Variants in PDE5A observed in about 807,000 individuals in gnomAD.
PDE5A encodes the protein phosphodiesterase 5A.
A neutral mutation model predicts 110.2 loss-of-function variants in PDE5A; 67 were observed. The ratio of observed to expected loss-of-function variants is 0.61; its 90% CI spans 0.50 to 0.75. The LOEUF (loss-of-function observed/expected upper bound fraction) is 0.75. Among genes scored for constraint, PDE5A ranks in the 30% least tolerant of loss-of-function variants. The pLI is 0.00. For missense variants in PDE5A, 862 were observed against 1,045.1 expected, an observed-to-expected ratio of 0.82 and a Z score of 2.42; for synonymous variants, 328 against 351.2, an observed-to-expected ratio of 0.93 and a Z score of 0.74.
chr4:119,587,983 C>G (rs1166582562), intron 3 of PDE5A, among the ~76,000 whole-genome samples: 1 of 152,162 alleles, frequency 6.6e-6, no homozygotes, highest in African/African-American at 2.4e-5. Context: ...TATGTGGTTC[C>G]TCTCTTGAGG....
rs1726177311 is a variant in PDE5A at position 119,522,830 on chromosome 4, G to T, written c.1780-1770C>A. 3.3e-5 allele frequency among the ~76,000 whole-genome samples: 5 copies of T among 152,084 alleles called. 1 individual carries two copies. In the South Asian group the frequency reaches 1.0e-3, roughly 32 times the overall value. On this transcript the variant is annotated intron_variant, in intron 12 of 20. Coordinates refer to ENST00000354960, the MANE Select transcript of PDE5A (RefSeq NM_001083.4). ...ATTAAAATTTGTAAGACAGTATTTTGTACAGGACTACTGAGTACTTATTTG... is the reference window on the plus strand; with the variant it reads ...ATTAAAATTTGTAAGACAGTATTTTTTACAGGACTACTGAGTACTTATTTG...
chr4:119,591,311 ACTCACATGAATGCATTTAAT>A, intron 3 of PDE5A, among the ~76,000 whole-genome samples: 1 of 152,090 alleles, frequency 6.6e-6, no homozygotes, highest in Non-Finnish European at 1.5e-5. Context: ...TAAACCCTTC[ACTCACATGAATGCATTTAAT>A]CTTCCCAATA....
intron 15 of PDE5A, among the ~76,000 whole-genome samples, chr4:119,510,623 T>A (rs1021567393): frequency 1.3e-5 from 2 of 152,076 alleles, no homozygotes; most frequent in African/African-American, 4.8e-5. Flanking sequence ...ACCAAGTAGT[T>A]AAATAGCTTT....
At chr4:119,543,862 T>G (rs1456937580) in intron 9 of PDE5A, 1 of 152,242 alleles carries the variant, frequency 6.6e-6, no homozygotes, top group African/African-American at 2.4e-5. Flanking sequence ...CAGGCATTTT[T>G]CTATTCCCTT....
chr4:119,524,598 A>G (rs2110472685), intron 12 of PDE5A, among the ~76,000 whole-genome samples: 1 of 152,256 alleles, frequency 6.6e-6, no homozygotes, highest in Middle Eastern at 3.4e-3. Flanking sequence ...ATTTCTGTGA[A>G]GCCTTTGAGA....
chr4:119,616,180 C>G (rs1015809580), intron 1 of PDE5A, among the ~76,000 whole-genome samples: 2 of 152,128 alleles, frequency 1.3e-5, no homozygotes, highest in African/African-American at 4.8e-5. Flanking sequence ...CCAAAATCAC[C>G]GTTGGAAGTT....
intron 1 of PDE5A, among the ~76,000 whole-genome samples, chr4:119,625,531 T>C (rs887249747): frequency 6.6e-6 from 1 of 152,126 alleles, no homozygotes; most frequent in Non-Finnish European, 1.5e-5. Flanking sequence ...ATGCAGAAAT[T>C]GTTTTTATCA....
At chr4:119,532,643 A>C (rs183335710) in intron 11 of PDE5A, among the ~76,000 whole-genome samples, 1 of 152,174 alleles carries the variant, frequency 6.6e-6, no homozygotes, top group Admixed American at 6.6e-5. Flanking sequence ...CTCCTTGAAG[A>C]CCATAAAGCA....
chr4:119,622,266 C>T (rs968283204), intron 1 of PDE5A, among the ~76,000 whole-genome samples: 3 of 151,924 alleles, frequency 2.0e-5, no homozygotes, highest in Non-Finnish European at 4.4e-5. Context: ...ATTATTTCAT[C>T]AGCTCAGAAT....
intron 1 of PDE5A, among the ~76,000 whole-genome samples, chr4:119,619,269 A>C (rs1262520531): frequency 6.6e-6 from 1 of 152,184 alleles, no homozygotes; most frequent in African/African-American, 2.4e-5. Flanking sequence ...CAAATTTGGA[A>C]AAATACTTAA....
chr4:119,544,511 T>C (rs2110488904), intron 9 of PDE5A, among the ~76,000 whole-genome samples: 1 of 152,314 alleles, frequency 6.6e-6, no homozygotes, highest in East Asian at 1.9e-4. Flanking sequence ...ATCCCCAAAA[T>C]ATAAATATGG....
chr4:119,624,204 TATC>T (rs1389068289), intron 1 of PDE5A, among the ~76,000 whole-genome samples: 1 of 152,182 alleles, frequency 6.6e-6, no homozygotes, highest in Admixed American at 6.5e-5. Context: ...AGGGTTTTAT[TATC>T]ATCAACACTA....
In PDE5A at chr4:119,518,996, C is replaced by G. The variant is rs1332458390; in HGVS notation, c.2000+49G>C. ...GTGGCTTTAACTTAAAAAAAGACAG[C>G]CCTACAATTAAAAGAAAACATTTTC... On this transcript the variant is annotated intron_variant, in intron 14 of 20. Transcript: ENST00000354960. 4 of 1,312,442 alleles carry G rather than the reference C, an allele frequency of 3.0e-6. No homozygotes were observed. The African/African-American group carries it at 5.8e-5, about 19-fold the overall frequency. The allele number at this position is 1,312,442 out of a possible 1,614,324, so 81.3% of individuals were successfully genotyped here.
intron 3 of PDE5A, among the ~76,000 whole-genome samples, chr4:119,592,456 T>TAAAAAAAA (rs55997249): frequency 0.029 from 1,888 of 66,110 alleles, 141 homozygotes; most frequent in East Asian, 0.046. Flanking sequence ...AGACTCTGTT[T>TAAAAAAAA]AAAAAAAAAA....
intron 2 of PDE5A, 139 bp downstream of exon 2, chr4:119,606,570 A>G (rs1729536359): frequency 1.6e-6 from 1 of 625,546 alleles, no homozygotes; most frequent in East Asian, 2.7e-5. Context: ...CCAGTTTTAA[A>G]TAAGTATGCA....
At chr4:119,499,057 C>T (rs1302807924) in intron 20 of PDE5A, among the ~76,000 whole-genome samples, 1 of 152,198 alleles carries the variant, frequency 6.6e-6, no homozygotes. Flanking sequence ...ACAGTTGGCT[C>T]TTCCTAAGTG....
At chr4:119,567,341 C>T (rs1552092) in intron 3 of PDE5A, among the ~76,000 whole-genome samples, 197 bp from the exon 4 acceptor site, 39,994 of 151,964 alleles carry the variant, frequency 0.26, 5,389 homozygotes, top group East Asian at 0.38. Context: ...AATAAGAATT[C>T]GAATGTTTTT....
intron 9 of PDE5A, chr4:119,549,918 GAGA>G (rs1203835824): frequency 3.9e-5 from 6 of 152,178 alleles, no homozygotes; most frequent in Non-Finnish European, 7.3e-5. Flanking sequence ...TGGAAAAAAT[GAGA>G]AGAAGGAAGA....
At chr4:119,540,169 A>C (rs1440785537) in intron 10 of PDE5A, among the ~76,000 whole-genome samples, 3 of 152,174 alleles carry the variant, frequency 2.0e-5, no homozygotes. Flanking sequence ...TTTACAAAAA[A>C]AACCCCAAAA....
Sources: gnomAD v4.1 joint callset for allele counts (sites outside exome capture counted in the v4.1 genomes callset) on GRCh38, gnomAD v4.1.1 for gene constraint, MANE v1.5 for transcripts, NCBI Gene and HGNC (gene_info 2026-07-23, HGNC 2026-07-21) for gene names.